The following SIPA1L1 variants were observed in gnomAD, a reference collection of about 807,000 sequenced individuals.
SIPA1L1 encodes the protein signal induced proliferation associated 1 like 1, also known as signal-induced proliferation-associated 1-like protein 1.
SIPA1L1 carries 26 observed loss-of-function variants against 162.7 expected under a neutral mutation model. The ratio of observed to expected loss-of-function variants is 0.16; its 90% CI spans 0.12 to 0.22. SIPA1L1 has a LOEUF of 0.22. Ranked by LOEUF, SIPA1L1 falls within the 10% of genes least tolerant of loss-of-function variation. The pLI, the probability that SIPA1L1 is intolerant of heterozygous loss-of-function variation, is 1.00. For synonymous variants in SIPA1L1, 829 were observed against 837.4 expected (o/e 0.99, Z 0.17); for missense variants, 1,874 against 2,241.0 (o/e 0.84, Z 3.31).
At chr14:71,367,780 G>C (rs2038478800) in intron 2 of SIPA1L1, among the ~76,000 whole-genome samples, 1 of 148,838 alleles carries the variant, frequency 6.7e-6, no homozygotes, top group African/African-American at 2.5e-5. Context: ...CTAGTTTTTG[G>C]GTTTTTAGTA....
At chr14:71,578,356 C>A (rs1207657035) in intron 4 of SIPA1L1, among the ~76,000 whole-genome samples, 1 of 152,206 alleles carries the variant, frequency 6.6e-6, no homozygotes, top group Admixed American at 6.5e-5. Context: ...TTGTGAGCCG[C>A]TGCACCTGGC....
intron 13 of SIPA1L1, 120 bp downstream of exon 13, chr14:71,685,751 G>A (rs1408466413): frequency 8.0e-7 from 1 of 1,247,598 alleles, no homozygotes; most frequent in East Asian, 2.4e-5. Context: ...ATTAAACTGA[G>A]GTGCATACCG....
At chr14:71,591,608 A>G (rs1400069353) in intron 5 of SIPA1L1, among the ~76,000 whole-genome samples, 3 of 152,262 alleles carry the variant, frequency 2.0e-5, no homozygotes, top group East Asian at 1.9e-4. Flanking sequence ...GAAAATATCA[A>G]CTCAAGCAGG....
At chr14:71,685,030 GC>G (rs1264207823) in intron 12 of SIPA1L1, among the ~76,000 whole-genome samples, 1 of 152,162 alleles carries the variant, frequency 6.6e-6, no homozygotes, top group African/African-American at 2.4e-5. Flanking sequence ...TCTCAGGTAT[GC>G]CCCCGTCATG....
intron 2 of SIPA1L1, among the ~76,000 whole-genome samples, chr14:71,362,621 T>C (rs1319463168): frequency 6.6e-6 from 1 of 152,254 alleles, no homozygotes; most frequent in Non-Finnish European, 1.5e-5. Context: ...TTTATCTGCA[T>C]TGTACATGTA....
At chr14:71,698,249 A>T (rs1231891813) in intron 13 of SIPA1L1, among the ~76,000 whole-genome samples, 2 of 152,208 alleles carry the variant, frequency 1.3e-5, no homozygotes, top group African/African-American at 4.8e-5. Context: ...GAGGAGGTAG[A>T]GGGTAAAAAA....
At chr14:71,505,712 A>C (rs2050607946) in intron 2 of SIPA1L1, among the ~76,000 whole-genome samples, 1 of 152,114 alleles carries the variant, frequency 6.6e-6, no homozygotes, top group African/African-American at 2.4e-5. Context: ...GTGCTTTAAA[A>C]TTTAAAACTT....
intron 12 of SIPA1L1, among the ~76,000 whole-genome samples, chr14:71,677,933 C>T (rs1163888437): frequency 1.3e-5 from 2 of 152,134 alleles, no homozygotes; most frequent in African/African-American, 2.4e-5. Flanking sequence ...GTTCTTTTTG[C>T]ATAGGATTGT....
Position 71,733,678 on chromosome 14 carries a change from C to T in SIPA1L1, c.4874C>T (p.Ala1625Val). The T allele has an allele frequency of 6.2e-7, 1 of 1,613,896 alleles. No individual in the cohort carries two copies. Among genetic ancestry groups the T allele is most frequent in the Admixed American group, 1.7e-5 (1 of 60,028 alleles). The change falls in exon 21 of 24, where the codon GCC (alanine) becomes GTC (valine). Residue 1625 changes from alanine (A) to valine (V), a missense_variant. Around this residue, in one of 5 missense-constraint regions of SIPA1L1, gnomAD observed 936 missense variants for 1,051.9 expected, o/e 0.89. Coordinates refer to ENST00000381232, the MANE Select transcript of SIPA1L1 (RefSeq NM_001386936.1). ...TCCCTTCCCGCAGGAGAGTTCTCAG[C>T]CTCGGACAGCTCCCTCACTGACATC... is the stretch of plus-strand genomic sequence containing the variant. ...GMKSLHGEFS[A>V]SDSSLTDIQE... is the part of the protein sequence containing the mutation.
At chr14:71,386,247 T>G (rs761660559) in intron 2 of SIPA1L1, among the ~76,000 whole-genome samples, 1 of 152,188 alleles carries the variant, frequency 6.6e-6, no homozygotes. Context: ...GTCCCAAAGC[T>G]GAAGAACTTG....
chr14:71,494,044 A>G (rs1046096227), intron 2 of SIPA1L1, among the ~76,000 whole-genome samples: 3 of 152,194 alleles, frequency 2.0e-5, no homozygotes, highest in Admixed American at 1.3e-4. Flanking sequence ...AATCTCTACA[A>G]TTGAGGCTTT....
At chr14:71,472,545 C>A (rs1165041058) in intron 2 of SIPA1L1, among the ~76,000 whole-genome samples, 1 of 151,818 alleles carries the variant, frequency 6.6e-6, no homozygotes, top group Non-Finnish European at 1.5e-5. Flanking sequence ...TGTCATGATG[C>A]TTTTTTGGGT....
At chr14:71,435,412 G>A (rs982365484) in intron 2 of SIPA1L1, among the ~76,000 whole-genome samples, 5 of 152,076 alleles carry the variant, frequency 3.3e-5, no homozygotes, top group African/African-American at 9.7e-5. Flanking sequence ...ACCTATGAGT[G>A]AGAACATGCG....
chr14:71,428,274 GGCATGA>G (rs1332354959), intron 2 of SIPA1L1, among the ~76,000 whole-genome samples: 1 of 151,950 alleles, frequency 6.6e-6, no homozygotes, highest in Non-Finnish European at 1.5e-5. Flanking sequence ...TGGGATTACA[GGCATGA>G]GCAACCATGC....
chr14:71,492,029 C>A (rs1014144341), intron 2 of SIPA1L1, among the ~76,000 whole-genome samples: 25 of 152,124 alleles, frequency 1.6e-4, no homozygotes, highest in Non-Finnish European at 2.2e-4. Flanking sequence ...GTATTTCAAC[C>A]TGTGTAATGG....
At chr14:71,641,829 A>G (rs2041747585) in intron 7 of SIPA1L1, among the ~76,000 whole-genome samples, 1 of 152,180 alleles carries the variant, frequency 6.6e-6, no homozygotes, top group Admixed American at 6.5e-5. Flanking sequence ...TGTAGGCAAA[A>G]CTAATTTATA....
intron 14 of SIPA1L1, among the ~76,000 whole-genome samples, chr14:71,700,904 G>A (rs1480927516): frequency 7.0e-6 from 1 of 142,106 alleles, no homozygotes; most frequent in Non-Finnish European, 1.5e-5. Context: ...TGAGGCAGGA[G>A]AATGGTGTGA....
chr14:71,593,751 C>A (rs930157855), intron 5 of SIPA1L1, among the ~76,000 whole-genome samples: 1 of 152,030 alleles, frequency 6.6e-6, no homozygotes. Flanking sequence ...GAGAGGAATG[C>A]ATTAATGAAG....
At chr14:71,590,507 A>G (rs2035246777) in intron 5 of SIPA1L1, among the ~76,000 whole-genome samples, 1 of 152,198 alleles carries the variant, frequency 6.6e-6, no homozygotes, top group Admixed American at 6.5e-5. Flanking sequence ...TCATAGCTTT[A>G]TAACAATTGC....
Sources: gnomAD v4.1 joint callset for allele counts (sites outside exome capture counted in the v4.1 genomes callset) on GRCh38, gnomAD v4.1.1 for gene constraint, gnomAD v4.1.1 regional missense constraint, MANE v1.5 for transcripts, NCBI Gene and HGNC (gene_info 2026-07-23, HGNC 2026-07-21) for gene names.